The following SERGEF variants were observed in gnomAD, a reference collection of about 807,000 sequenced individuals.
SERGEF encodes the protein secretion regulating guanine nucleotide exchange factor.
In SERGEF, 51 loss-of-function variants were observed where a neutral mutation model predicts 50.0. The observed-to-expected ratio is 1.02, with a 90% confidence interval of 0.81 to 1.29. The LOEUF (loss-of-function observed/expected upper bound fraction) is 1.29. Among genes scored for constraint, SERGEF ranks in the 50% most tolerant of loss-of-function variants. The pLI is 0.00. For missense variants in SERGEF, 521 were observed against 557.0 expected, an observed-to-expected ratio of 0.94 and a Z score of 0.65; for synonymous variants, 205 against 212.4, an observed-to-expected ratio of 0.97 and a Z score of 0.30.
chr11:17,820,612 C>T (rs1184905020), intron 10 of SERGEF, among the ~76,000 whole-genome samples: 1 of 152,142 alleles, frequency 6.6e-6, no homozygotes, highest in Non-Finnish European at 1.5e-5. Flanking sequence ...TATACAAAGA[C>T]CTTACAATCT....
chr11:17,855,530 C>T (rs1409773124), intron 10 of SERGEF: 1 of 152,134 alleles, frequency 6.6e-6, no homozygotes, highest in Admixed American at 6.5e-5. Context: ...TATACAGTAA[C>T]AGGCGGATAG....
intron 10 of SERGEF, among the ~76,000 whole-genome samples, chr11:17,802,712 C>T (rs191825665): frequency 4.5e-4 from 68 of 152,116 alleles, no homozygotes; most frequent in African/African-American, 1.6e-3. Flanking sequence ...TCCCTCTGCC[C>T]GGAACCTTCC....
chr11:17,833,459 A>G (rs1192112701), intron 10 of SERGEF, among the ~76,000 whole-genome samples: 1 of 152,176 alleles, frequency 6.6e-6, no homozygotes, highest in East Asian at 1.9e-4. Context: ...CAGAAGGAAA[A>G]TGTGGGGTGG....
At chr11:17,833,478 A>G (rs1850348065) in intron 10 of SERGEF, among the ~76,000 whole-genome samples, 1 of 152,232 alleles carries the variant, frequency 6.6e-6, no homozygotes, top group Non-Finnish European at 1.5e-5. Flanking sequence ...GGGATTCCCC[A>G]CACAGAGTCC....
chr11:17,823,924 A>G (rs1482252451), intron 10 of SERGEF, among the ~76,000 whole-genome samples: 1 of 152,186 alleles, frequency 6.6e-6, no homozygotes, highest in Non-Finnish European at 1.5e-5. Context: ...CCCAGCCCTC[A>G]TGACAGGTTT....
At chr11:17,822,420 T>G (rs1850101979) in intron 10 of SERGEF, among the ~76,000 whole-genome samples, 1 of 152,108 alleles carries the variant, frequency 6.6e-6, no homozygotes, top group African/African-American at 2.4e-5. Flanking sequence ...AAAATAAAAA[T>G]GCAATCTTAG....
At chr11:18,003,687 A>G (rs1299560680) in intron 4 of SERGEF, among the ~76,000 whole-genome samples, 1 of 152,234 alleles carries the variant, frequency 6.6e-6, no homozygotes, top group Non-Finnish European at 1.5e-5. Flanking sequence ...TGGGCAACAG[A>G]GTGAGACTCC....
chr11:17,864,884 C>T lies in SERGEF; in HGVS notation c.1048+13324G>A, dbSNP rs141997711. 8.5e-4 allele frequency among the ~76,000 whole-genome samples: 129 copies of T among 152,242 alleles called. 1 individual carries two copies. Among genetic ancestry groups the T allele is most frequent in the South Asian group, 3.7e-3 (18 of 4,824 alleles). On this transcript the variant is annotated intron_variant, in intron 10 of 10. Transcript: ENST00000265965. ...TTGGGTAATGCCTTAGGACTGCTCT[C>T]GTAGCAACAGGACCCAGGAAGGCAG...
rs3216313 is a variant in SERGEF at position 17,853,197 on chromosome 11, G to GA, written c.1048+25010dup. Among the ~76,000 whole-genome samples the GA allele has an allele frequency of 0.027, 4,023 of 151,062 alleles. 309 individuals are homozygous for GA. In the East Asian group the frequency reaches 0.3, roughly 11 times the overall value. ...ATATGGTGGTTGTGATGACTAAATA[G>GA]AAAAAAAAATACCATACATGAACAG... On this transcript the variant is annotated intron_variant, in intron 10 of 10. Coordinates refer to ENST00000265965, the MANE Select transcript of SERGEF (RefSeq NM_012139.4).
At chr11:17,926,374 T>C (rs1173835667) in intron 9 of SERGEF, among the ~76,000 whole-genome samples, 1 of 152,102 alleles carries the variant, frequency 6.6e-6, no homozygotes, top group Non-Finnish European at 1.5e-5. Flanking sequence ...AAGACAGTTC[T>C]CACAAGCAGG....
At chr11:17,794,304 GGAT>G (rs1458212455) in intron 10 of SERGEF, among the ~76,000 whole-genome samples, 1 of 152,198 alleles carries the variant, frequency 6.6e-6, no homozygotes, top group Non-Finnish European at 1.5e-5. Flanking sequence ...CTGGGAATGT[GGAT>G]GCGATAGCTG....
At chr11:17,824,430 T>TAGAAATAATTAGGGCCCTTGATATC (rs1265793344) in intron 10 of SERGEF, among the ~76,000 whole-genome samples, 2 of 152,128 alleles carry the variant, frequency 1.3e-5, no homozygotes, top group Non-Finnish European at 2.9e-5. Flanking sequence ...AACAGAGAGA[T>TAGAAATAATTAGGGCCCTTGATATC]AGAAATAATT....
In SERGEF at chr11:17,900,140, A is replaced by G. The variant is rs951051018; in HGVS notation, c.1012-21896T>C. Among the ~76,000 whole-genome samples the G allele has an allele frequency of 2.0e-5, 3 of 152,268 alleles. No homozygotes were observed. The South Asian group carries it at 6.2e-4, about 32-fold the overall frequency. ...GAAATATCACCAAGGGGCAGTACAC[A>G]TAGTGGCTAATAGTGCAGGGTCTAG... is the stretch of plus-strand genomic sequence containing the variant. On this transcript the variant is annotated intron_variant, in intron 9 of 10. Transcript: ENST00000265965.
chr11:17,808,162 T>C (rs138609558), intron 10 of SERGEF, among the ~76,000 whole-genome samples: 6 of 152,344 alleles, frequency 3.9e-5, no homozygotes, highest in African/African-American at 1.4e-4. Flanking sequence ...GTCCTCCAAG[T>C]TGCTGCCTGG....
At chr11:17,835,781 T>G (rs1031074137) in intron 10 of SERGEF, among the ~76,000 whole-genome samples, 3 of 152,224 alleles carry the variant, frequency 2.0e-5, no homozygotes, top group African/African-American at 7.2e-5. Context: ...ACTTAATACA[T>G]TTTCTTCACA....
chr11:17,846,667 T>A (rs553165024), intron 10 of SERGEF: 1 of 456,034 alleles, frequency 2.2e-6, no homozygotes, highest in African/African-American at 2.0e-5. Flanking sequence ...CCATGACACA[T>A]GAACACTGTG....
At chr11:17,817,287 T>C (rs1205263047) in intron 10 of SERGEF, among the ~76,000 whole-genome samples, 1 of 151,402 alleles carries the variant, frequency 6.6e-6, no homozygotes, top group African/African-American at 2.4e-5. Flanking sequence ...CGATCTTGGC[T>C]CACTGCAAGT....
intron 5 of SERGEF, among the ~76,000 whole-genome samples, chr11:17,999,118 AT>A (rs1408051674): frequency 6.6e-6 from 1 of 152,202 alleles, no homozygotes; most frequent in African/African-American, 2.4e-5. Flanking sequence ...GTATGATACC[AT>A]TTATAGAACA....
intron 10 of SERGEF, among the ~76,000 whole-genome samples, chr11:17,818,342 T>A (rs1464997690): frequency 6.6e-6 from 1 of 152,178 alleles, no homozygotes; most frequent in African/African-American, 2.4e-5. Context: ...TATATTTTCC[T>A]TTTTAGGGTG....
Sources: allele counts gnomAD v4.1 joint callset (sites outside exome capture counted in the v4.1 genomes callset), GRCh38; gene constraint gnomAD v4.1.1; transcripts MANE v1.5; gene names NCBI Gene and HGNC (gene_info 2026-07-23, HGNC 2026-07-21).